INSC: variants seen among roughly 807,000 people sequenced by gnomAD.
INSC encodes protein inscuteable homolog.
A neutral mutation model predicts 58.6 loss-of-function variants in INSC; 67 were observed. The ratio of observed to expected loss-of-function variants is 1.14; its 90% confidence interval spans 0.94 to 1.40. The LOEUF (loss-of-function observed/expected upper bound fraction) is 1.40, where lower values mean the gene tolerates loss of function less well. INSC is among the 40% of genes most tolerant of loss of function. INSC has a pLI of 0.00. For synonymous variants in INSC, 262 were observed against 276.1 expected, an observed-to-expected ratio of 0.95 and a Z score of 0.51; for missense variants, 714 against 692.0, an observed-to-expected ratio of 1.03 and a Z score of -0.36.
Position 15,115,532 on chromosome 11 carries a change from GAC to G in INSC, c.-46+531_-46+532del, listed in dbSNP as rs753870686. Among the ~76,000 whole-genome samples the G allele has an allele frequency of 9.9e-4, 151 of 152,316 alleles. 1 individual carries two copies. The highest frequency in any genetic ancestry group is 1.7e-3 in the Non-Finnish European group (117 of 68,022). ...TTTGGTTTCTCAGGGCTTGGAGAAG[GAC>G]AGAAGCTCAGAGCCCTCACACAACA... On this transcript the variant is annotated intron_variant, in intron 1 of 12. Coordinates refer to ENST00000379556, the MANE Select transcript of INSC (RefSeq NM_001042536.3).
At chr11:15,125,761 T>G (rs1171430729) in intron 1 of INSC, among the ~76,000 whole-genome samples, 1 of 152,144 alleles carries the variant, frequency 6.6e-6, no homozygotes, top group African/African-American at 2.4e-5. Context: ...TTTGGCCCTC[T>G]CAGGGAGAAA....
chr11:15,144,140 A>G (rs887793747), intron 1 of INSC, among the ~76,000 whole-genome samples: 1 of 152,184 alleles, frequency 6.6e-6, no homozygotes, highest in Non-Finnish European at 1.5e-5. Context: ...TTAAGTTTCT[A>G]TGTTGGGAGG....
At chr11:15,221,901 T>A (rs1368569568) in intron 8 of INSC, among the ~76,000 whole-genome samples, 1 of 152,206 alleles carries the variant, frequency 6.6e-6, no homozygotes, top group African/African-American at 2.4e-5. Context: ...AGTTTGGGAT[T>A]CATTGGCCTT....
At chr11:15,127,709 T>A (rs147398534) in intron 1 of INSC, among the ~76,000 whole-genome samples, 1 of 152,234 alleles carries the variant, frequency 6.6e-6, no homozygotes, top group East Asian at 1.9e-4. Context: ...AGTTGTGGGG[T>A]CATTATGCCC....
chr11:15,153,977 C>T (rs753218038), intron 2 of INSC, among the ~76,000 whole-genome samples: 8 of 152,210 alleles, frequency 5.3e-5, no homozygotes, highest in Non-Finnish European at 1.2e-4. Context: ...GTGGAGTTCT[C>T]ACATAGCAAT....
chr11:15,111,763 G>T (rs1343006719), upstream of INSC, among the ~76,000 whole-genome samples: 3 of 152,144 alleles, frequency 2.0e-5, no homozygotes, highest in Non-Finnish European at 4.4e-5. Flanking sequence ...TTTTATAAAA[G>T]GTTACTATGG....
chr11:15,144,991 A>G (rs1357580975), intron 1 of INSC, among the ~76,000 whole-genome samples: 1 of 152,210 alleles, frequency 6.6e-6, no homozygotes, highest in African/African-American at 2.4e-5. Flanking sequence ...TGGGATTTTC[A>G]GTGAATTAGG....
downstream of INSC, among the ~76,000 whole-genome samples, chr11:15,250,707 G>T (rs1852641400): frequency 6.6e-6 from 1 of 152,162 alleles, no homozygotes; most frequent in African/African-American, 2.4e-5. Context: ...CTCAAATTTA[G>T]TGGCTTAAAA....
chr11:15,248,010 A>G (rs7109519), downstream of INSC, among the ~76,000 whole-genome samples: 1 of 152,114 alleles, frequency 6.6e-6, no homozygotes, highest in Non-Finnish European at 1.5e-5. Flanking sequence ...ACAGTTTGTC[A>G]ATTGTTCTTT....
At chr11:15,238,588 A>C (rs1852219921) in intron 10 of INSC, among the ~76,000 whole-genome samples, 1 of 152,192 alleles carries the variant, frequency 6.6e-6, no homozygotes, top group Admixed American at 6.5e-5. Context: ...AATGGTACCT[A>C]ATACATGAGG....
intron 2 of INSC, among the ~76,000 whole-genome samples, chr11:15,155,403 G>A (rs1206469886): frequency 6.6e-6 from 1 of 152,140 alleles, no homozygotes; most frequent in Non-Finnish European, 1.5e-5. Flanking sequence ...ACTTCAAAAT[G>A]CCATTTGCAG....
At chr11:15,268,652 A>G in the INSC span, among the ~76,000 whole-genome samples, 1 of 152,120 alleles carries the variant, frequency 6.6e-6, no homozygotes, top group African/African-American at 2.4e-5. Flanking sequence ...GCTGCTGAGA[A>G]AGAATTTGCT....
intron 2 of INSC, among the ~76,000 whole-genome samples, chr11:15,166,677 C>T (rs1037018225): frequency 6.6e-6 from 1 of 152,130 alleles, no homozygotes; most frequent in African/African-American, 2.4e-5. Context: ...TGCATGTCTC[C>T]CAGGCAGTCT....
chr11:15,135,974 G>C (rs1346035075), intron 1 of INSC, among the ~76,000 whole-genome samples: 1 of 152,146 alleles, frequency 6.6e-6, no homozygotes, highest in Non-Finnish European at 1.5e-5. Context: ...GACGGAGGTA[G>C]AAGGGCCAAG....
the INSC span, among the ~76,000 whole-genome samples, chr11:15,256,289 G>A: frequency 6.6e-6 from 1 of 152,120 alleles, no homozygotes; most frequent in African/African-American, 2.4e-5. Context: ...AATGGTTTTT[G>A]AAAAATTTAT....
Position 15,190,706 on chromosome 11 carries a change from G to A in INSC, c.585G>A (p.Leu195=). 6.2e-7 allele frequency: 1 copy of A among 1,611,940 alleles called. No homozygotes were observed. Among genetic ancestry groups the A allele is most frequent in the South Asian group, 1.1e-5 (1 of 91,036 alleles). Residue 195 remains leucine, a synonymous_variant, in exon 6 of 13, where the codon CTG becomes CTA. Transcript: ENST00000379556. ...ELALTREVQA[L]VRKIDASDNI... Reference sequence around the variant, plus strand: ...ACTTTTCTCTCTCTTCTTAGGCACTGGTGAGAAAAATTGATGCCTCAGACA... The same window carrying A: ...ACTTTTCTCTCTCTTCTTAGGCACTAGTGAGAAAAATTGATGCCTCAGACA...
rs767742042 is a variant in INSC, at chr11:15,190,818, AG to A, written c.693+5del. 4.4e-5 allele frequency: 71 copies of A among 1,604,990 alleles called. No homozygotes were observed. Among genetic ancestry groups the A allele is most frequent in the Non-Finnish European group, 4.7e-5 (55 of 1,171,904 alleles). ...CTTGTGCCGCATCATAGCCAAGGTG[AG>A]CTTCATGGTTAGGGACCAAAATGGC... On this transcript the variant is annotated splice_donor_5th_base_variant and intron_variant, in intron 6 of 12. Transcript: ENST00000379556.
At chr11:15,132,732 G>A (rs751597124) in intron 1 of INSC, among the ~76,000 whole-genome samples, 1 of 152,156 alleles carries the variant, frequency 6.6e-6, no homozygotes, top group Admixed American at 6.5e-5. Context: ...TTCCTTTAGT[G>A]TGGGATTTTT....
chr11:15,158,391 A>G (rs990288086), intron 2 of INSC, among the ~76,000 whole-genome samples: 2 of 151,836 alleles, frequency 1.3e-5, no homozygotes, highest in African/African-American at 4.8e-5. Context: ...ACTTCTTGCC[A>G]TATGACTTTT....
Sources: allele counts gnomAD v4.1 joint callset (sites outside exome capture counted in the v4.1 genomes callset), GRCh38; gene constraint gnomAD v4.1.1; transcripts MANE v1.5; gene names NCBI Gene and HGNC (gene_info 2026-07-23, HGNC 2026-07-21).